COL22A1: variants seen among roughly 807,000 people sequenced by gnomAD.
COL22A1 encodes the protein collagen type XXII alpha 1 chain.
A neutral mutation model predicts 248.9 loss-of-function variants in COL22A1; 221 were observed. The ratio of observed to expected loss-of-function variants is 0.89; its 90% CI spans 0.80 to 0.99. COL22A1 has a LOEUF of 0.99. COL22A1 is among the 50% of genes least tolerant of loss of function. The pLI is 0.00. For missense variants in COL22A1, 2,240 were observed against 2,179.0 expected, an observed-to-expected ratio of 1.03 and a Z score of -0.56; for synonymous variants, 891 against 793.4, an observed-to-expected ratio of 1.12 and a Z score of -2.07.
chr8:138,859,075 C>A (rs1822252021), intron 3 of COL22A1, among the ~76,000 whole-genome samples: 1 of 152,232 alleles, frequency 6.6e-6, no homozygotes, highest in African/African-American at 2.4e-5. Flanking sequence ...CAGAATGCCT[C>A]CTCATCCACA....
At position 138,650,287 on chromosome 8, in the gene COL22A1, C is replaced by T. The variant is rs185213046; in HGVS notation, c.3334-509G>A. 5.3e-5 allele frequency among the ~76,000 whole-genome samples: 8 copies of T among 152,254 alleles called. No homozygotes were observed. In the East Asian group the frequency reaches 1.5e-3, roughly 29 times the overall value. On this transcript the variant is annotated intron_variant, in intron 45 of 64. Transcript: ENST00000303045. Reference sequence around the variant, plus strand: ...AGGCAACAGGCACACACCCTTGGGACTTTGTTTCTGTGATACAATGCCGAC... The same window carrying T: ...AGGCAACAGGCACACACCCTTGGGATTTTGTTTCTGTGATACAATGCCGAC...
intron 26 of COL22A1, among the ~76,000 whole-genome samples, chr8:138,721,404 T>C (rs547654333): frequency 6.6e-6 from 1 of 152,350 alleles, no homozygotes; most frequent in East Asian, 1.9e-4. Context: ...TAATAATTCA[T>C]TTAAAGTATT....
At chr8:138,611,409 A>G (rs1818851248) in intron 56 of COL22A1, among the ~76,000 whole-genome samples, 1 of 152,200 alleles carries the variant, frequency 6.6e-6, no homozygotes, top group Admixed American at 6.5e-5. Context: ...CAGATGGCTG[A>G]ACTCCAGAAT....
chr8:138,717,250 C>G (rs987226347), intron 27 of COL22A1, among the ~76,000 whole-genome samples: 7 of 152,068 alleles, frequency 4.6e-5, no homozygotes, highest in Admixed American at 6.6e-5. Flanking sequence ...CGGGTTCACA[C>G]CATTCTCCCA....
intron 4 of COL22A1, among the ~76,000 whole-genome samples, chr8:138,838,600 C>G (rs1050731464): frequency 7.4e-6 from 1 of 134,290 alleles, no homozygotes; most frequent in Admixed American, 7.9e-5. Flanking sequence ...TTTCAGTGAA[C>G]AAAAACAAAG....
chr8:138,868,507 A>G (rs1348430906), intron 3 of COL22A1, among the ~76,000 whole-genome samples: 6 of 152,190 alleles, frequency 3.9e-5, no homozygotes, highest in Admixed American at 3.9e-4. Flanking sequence ...TAATAATTTA[A>G]AAGTTAAGAA....
chr8:138,728,844 G>A (rs1830510768), intron 23 of COL22A1, among the ~76,000 whole-genome samples: 2 of 152,050 alleles, frequency 1.3e-5, no homozygotes, highest in South Asian at 4.1e-4. Context: ...TCAGGGACAG[G>A]CCCCAAGGGT....
At chr8:138,873,183 C>A (rs1480426664) in intron 3 of COL22A1, among the ~76,000 whole-genome samples, 1 of 152,180 alleles carries the variant, frequency 6.6e-6, no homozygotes, top group Non-Finnish European at 1.5e-5. Context: ...GCCTCTGTGC[C>A]ATCAACCATA....
intron 55 of COL22A1, among the ~76,000 whole-genome samples, chr8:138,615,631 C>T (rs1444680516): frequency 2.6e-5 from 4 of 151,756 alleles, no homozygotes; most frequent in African/African-American, 7.3e-5. Flanking sequence ...ACACAGCACA[C>T]GGTGGTGGCG....
chr8:138,712,219 T>C lies in COL22A1; in HGVS notation c.2517+3463A>G, dbSNP rs991293462. Among the ~76,000 whole-genome samples, 10 of 152,162 alleles carry C rather than the reference T, an allele frequency of 6.6e-5. No homozygotes were observed. The East Asian group carries it at 9.7e-4, about 15-fold the overall frequency. On this transcript the variant is annotated intron_variant, in intron 30 of 64. Coordinates refer to ENST00000303045, the MANE Select transcript of COL22A1 (RefSeq NM_152888.3). ...GTCAGGGAAGATGCCACACAGCAGATAGAACCAGGACCATACTCCAGGCCA... is the reference window on the plus strand; with the variant it reads ...GTCAGGGAAGATGCCACACAGCAGACAGAACCAGGACCATACTCCAGGCCA...
chr8:138,896,790 T>C (rs1318532024), intron 1 of COL22A1, among the ~76,000 whole-genome samples: 1 of 152,080 alleles, frequency 6.6e-6, no homozygotes, highest in Non-Finnish European at 1.5e-5. Context: ...CTGGCTAACA[T>C]GACGAAACCC....
chr8:138,618,965 T>C (rs1160286314), intron 53 of COL22A1, among the ~76,000 whole-genome samples: 1 of 152,180 alleles, frequency 6.6e-6, no homozygotes, highest in East Asian at 1.9e-4. Context: ...AAAAATACAC[T>C]GAATATTAAA....
chr8:138,700,086 C>A, intron 32 of COL22A1, 26 bp downstream of exon 32: 1 of 1,611,578 alleles, frequency 6.2e-7, no homozygotes, highest in Non-Finnish European at 8.5e-7. Flanking sequence ...GCACACTGGG[C>A]ACCCCGAGGC....
chr8:138,667,725 TA>T (rs1178927044), intron 41 of COL22A1, among the ~76,000 whole-genome samples: 1 of 152,126 alleles, frequency 6.6e-6, no homozygotes, highest in African/African-American at 2.4e-5. Context: ...AAAGAATGAA[TA>T]GAACTAGAAC....
chr8:138,882,565 C>G (rs1824304078), intron 2 of COL22A1, among the ~76,000 whole-genome samples: 1 of 16,680 alleles, frequency 6.0e-5, no homozygotes, highest in African/African-American at 4.0e-4. Flanking sequence ...AACTCACACT[C>G]CCACACACTC....
chr8:138,776,024 A>G lies in COL22A1; in HGVS notation c.1759-14T>C. ...TCCTTGGAGACCCTGGGGGACAAAG[A>G]AAGAGCAGTGACCCAACATCTTAAT... On this transcript the variant is annotated splice_polypyrimidine_tract_variant and intron_variant, in intron 15 of 64. Transcript: ENST00000303045. 1 of 1,614,024 alleles carries G rather than the reference A, an allele frequency of 6.2e-7. No homozygotes were observed. The highest frequency in any genetic ancestry group is 8.5e-7 in the Non-Finnish European group (1 of 1,179,854).
intron 47 of COL22A1, among the ~76,000 whole-genome samples, chr8:138,640,730 T>C (rs1342199255): frequency 6.6e-6 from 1 of 152,186 alleles, no homozygotes; most frequent in Non-Finnish European, 1.5e-5. Context: ...CTACCTGCTG[T>C]GATTTGTAAA....
intron 45 of COL22A1, among the ~76,000 whole-genome samples, chr8:138,652,070 A>T (rs1211179766): frequency 6.6e-6 from 1 of 152,134 alleles, no homozygotes; most frequent in African/African-American, 2.4e-5. Flanking sequence ...GGGTGAGATC[A>T]CCCCAATCTG....
chr8:138,655,846 T>A (rs747008232), intron 45 of COL22A1, 51 bp downstream of exon 45: 1 of 1,449,908 alleles, frequency 6.9e-7, no homozygotes, highest in East Asian at 2.3e-5. Context: ...AGATCTCCAA[T>A]CCCGCCATCA....
Sources: allele counts gnomAD v4.1 joint callset (sites outside exome capture counted in the v4.1 genomes callset), GRCh38; gene constraint gnomAD v4.1.1; transcripts MANE v1.5; gene names NCBI Gene and HGNC (gene_info 2026-07-23, HGNC 2026-07-21).